The following CCDC7 variants were observed in gnomAD, a reference collection of about 807,000 sequenced individuals.
CCDC7 encodes coiled-coil domain containing 7.
A neutral mutation model predicts 196.9 loss-of-function variants in CCDC7; 183 were observed. The observed-to-expected ratio is 0.93, with a 90% CI of 0.82 to 1.05. CCDC7 has a LOEUF of 1.05. Ranked by LOEUF, CCDC7 falls within the 50% of genes least tolerant of loss-of-function variation. The pLI is 0.00. For synonymous variants in CCDC7, 525 were observed against 484.6 expected (o/e 1.08, Z -1.10); for missense variants, 1,540 against 1,482.2 (o/e 1.04, Z -0.64).
intron 19 of CCDC7, 94 bp downstream of exon 20, chr10:32,634,458 A>G: frequency 2.2e-6 from 1 of 457,802 alleles, no homozygotes; most frequent in Non-Finnish European, 3.4e-6. Flanking sequence ...GTGCAGTGGC[A>G]TGATCTTGGC....
In CCDC7 at chr10:32,536,112, T is replaced by C. The variant is rs2050447222; in HGVS notation, c.994-7188T>C. ...GCTAGTTTACTCTAGAAGTAACCCC[T>C]CCCTCACTTTGTTTCTTGCTGCACA... On this transcript the variant is annotated intron_variant, in intron 11 of 41. Transcript: ENST00000639629. 2.6e-5 allele frequency among the ~76,000 whole-genome samples: 4 copies of C among 152,070 alleles called. No individual in the cohort carries two copies. In the South Asian group the frequency reaches 8.3e-4, roughly 32 times the overall value.
rs572782639 is a variant in CCDC7, at chr10:32,630,345, T to A, written c.1802-3909T>A. Reference sequence around the variant, plus strand: ...GTGTGTGTGTATATATGTATATATATGCATATATATGTATGTGTATATATA... The same window carrying A: ...GTGTGTGTGTATATATGTATATATAAGCATATATATGTATGTGTATATATA... On this transcript the variant is annotated intron_variant, in intron 18 of 41. Coordinates refer to ENST00000639629, the Ensembl canonical transcript of CCDC7. Among the ~76,000 whole-genome samples, 5 of 152,146 alleles carry A rather than the reference T, an allele frequency of 3.3e-5. No individual in the cohort carries two copies. The South Asian group carries it at 6.2e-4, about 19-fold the overall frequency.
chr10:32,718,088 A>T (rs2081894530), intron 25 of CCDC7, among the ~76,000 whole-genome samples: 1 of 152,148 alleles, frequency 6.6e-6, no homozygotes, highest in Non-Finnish European at 1.5e-5. Context: ...ACAACAACAA[A>T]AATTCAGGCC....
At chr10:32,618,362 A>G (rs2063006937) in intron 18 of CCDC7, among the ~76,000 whole-genome samples, 1 of 150,350 alleles carries the variant, frequency 6.7e-6, no homozygotes, top group Non-Finnish European at 1.5e-5. Context: ...TGATTCCTTT[A>G]TTTTCCTCCT....
chr10:32,824,387 G>A, intron 31 of CCDC7, 131 bp from the exon 33 acceptor site: 1 of 507,564 alleles, frequency 2.0e-6, no homozygotes, highest in Non-Finnish European at 3.5e-6. Context: ...CTATGTTGCT[G>A]CAATCTGGAC....
At chr10:32,816,331 C>T (rs1372008626) in intron 31 of CCDC7, among the ~76,000 whole-genome samples, 1 of 152,192 alleles carries the variant, frequency 6.6e-6, no homozygotes, top group Non-Finnish European at 1.5e-5. Flanking sequence ...GTAAACAAAG[C>T]AGCCAGGAAG....
intron 5 of CCDC7, among the ~76,000 whole-genome samples, chr10:32,467,743 T>C (rs1200593089): frequency 6.6e-6 from 1 of 152,232 alleles, no homozygotes; most frequent in Non-Finnish European, 1.5e-5. Flanking sequence ...CTTTTATTCA[T>C]CTTGAGTTAA....
intron 24 of CCDC7, among the ~76,000 whole-genome samples, chr10:32,709,477 TAAATA>T (rs956834063): frequency 2.0e-5 from 3 of 151,258 alleles, no homozygotes; most frequent in African/African-American, 7.3e-5. Context: ...AATAAAAAAA[TAAATA>T]AATAAGAAAA....
intron 29 of CCDC7, among the ~76,000 whole-genome samples, chr10:32,794,335 A>T (rs2083202411): frequency 6.6e-6 from 1 of 152,200 alleles, no homozygotes. Context: ...GATGACAATC[A>T]TGGTTGATTC....
At chr10:32,818,225 T>C (rs1318975378) in intron 31 of CCDC7, among the ~76,000 whole-genome samples, 1 of 151,734 alleles carries the variant, frequency 6.6e-6, no homozygotes, top group African/African-American at 2.4e-5. Context: ...CCAATGAAGA[T>C]CAAAAGAGAT....
chr10:32,687,589 G>C (rs1201699389), intron 22 of CCDC7, among the ~76,000 whole-genome samples: 1 of 152,170 alleles, frequency 6.6e-6, no homozygotes, highest in Non-Finnish European at 1.5e-5. Context: ...CCTCATCCTG[G>C]TGTCAGAGAT....
chr10:32,533,246 A>AACACACACACAC (rs58119017), intron 11 of CCDC7, among the ~76,000 whole-genome samples: 17,299 of 144,388 alleles, frequency 0.12, 1,248 homozygotes, highest in East Asian at 0.31. Flanking sequence ...AAACAAAGGA[A>AACACACACACAC]ACACACACAC....
intron 11 of CCDC7, among the ~76,000 whole-genome samples, chr10:32,523,284 G>A (rs926079204): frequency 1.6e-4 from 25 of 152,102 alleles, no homozygotes; most frequent in Non-Finnish European, 2.1e-4. Context: ...AGTGGCTCAC[G>A]CCTGTAATCC....
intron 20 of CCDC7, among the ~76,000 whole-genome samples, chr10:32,650,601 A>G (rs2068575986): frequency 6.6e-6 from 1 of 152,172 alleles, no homozygotes; most frequent in African/African-American, 2.4e-5. Flanking sequence ...GCAGGGAGGC[A>G]TGGCTAGGTC....
At chr10:32,710,039 T>C (rs2080559435) in intron 24 of CCDC7, among the ~76,000 whole-genome samples, 2 of 152,176 alleles carry the variant, frequency 1.3e-5, no homozygotes, top group East Asian at 3.9e-4. Flanking sequence ...TAGAACCCAG[T>C]TGAAAAAGAA....
intron 31 of CCDC7, among the ~76,000 whole-genome samples, chr10:32,820,595 A>G (rs2089973525): frequency 6.6e-6 from 1 of 152,228 alleles, no homozygotes; most frequent in Non-Finnish European, 1.5e-5. Flanking sequence ...CCAAAAGAGC[A>G]TGGTACTGGT....
intron 9 of CCDC7, chr10:32,511,272 G>GGGC (rs1554813166): frequency 1.3e-5 from 10 of 770,706 alleles, no homozygotes; most frequent in African/African-American, 2.1e-5. Context: ...GGGGGGGGCG[G>GGGC]GGAAATGTAC....
intron 41 of CCDC7, among the ~76,000 whole-genome samples, chr10:32,857,091 A>G (rs946906180): frequency 2.0e-5 from 3 of 152,072 alleles, no homozygotes; most frequent in Non-Finnish European, 2.9e-5. Context: ...TAAATCTACT[A>G]CTATGGGGTA....
chr10:32,737,074 G>T (rs1240350082), intron 28 of CCDC7, among the ~76,000 whole-genome samples: 1 of 152,016 alleles, frequency 6.6e-6, no homozygotes, highest in Non-Finnish European at 1.5e-5. Flanking sequence ...TCATAAATGG[G>T]CTTTAGATTT....
Sources: allele counts gnomAD v4.1 joint callset (sites outside exome capture counted in the v4.1 genomes callset), GRCh38; gene constraint gnomAD v4.1.1; transcripts MANE v1.5; gene names NCBI Gene and HGNC (gene_info 2026-07-23, HGNC 2026-07-21).